Variants in FBXO8 observed in about 807,000 individuals in gnomAD.
The protein encoded by FBXO8 is F-box protein 8.
FBXO8 carries 15 observed loss-of-function variants against 33.4 expected under a neutral mutation model. The ratio of observed to expected loss-of-function variants is 0.45; its 90% CI spans 0.30 to 0.69. The LOEUF (loss-of-function observed/expected upper bound fraction) is 0.69, where lower values mean the gene tolerates loss of function less well. Ranked by LOEUF, FBXO8 falls within the 30% of genes least tolerant of loss-of-function variation. The pLI is 0.08. For synonymous variants in FBXO8, 132 were observed against 131.5 expected, an observed-to-expected ratio of 1.00 and a Z score of -0.02; for missense variants, 274 against 380.3, an observed-to-expected ratio of 0.72 and a Z score of 2.32.
In FBXO8 at chr4:174,270,209, A is replaced by G. The variant is rs1398606516; in HGVS notation, c.-8-7109T>C. ...TATTAAATTAATCTCATGTATAAGA[A>G]TTTCATATTTTGGTTTATTATCATA... On this transcript the variant is annotated intron_variant, in intron 1 of 5. Coordinates refer to ENST00000393674, the MANE Select transcript of FBXO8 (RefSeq NM_012180.3). This position sits in a 1 kb window ranked among gnomAD's most constrained non-coding sequence, Gnocchi z 4.6. 1.3e-5 allele frequency among the ~76,000 whole-genome samples: 2 copies of G among 152,164 alleles called. No individual in the cohort carries two copies. Among genetic ancestry groups the G allele is most frequent in the Non-Finnish European group, 2.9e-5 (2 of 68,030 alleles).
chr4:174,246,058 T>C (rs1043141213), intron 3 of FBXO8, among the ~76,000 whole-genome samples: 5 of 151,932 alleles, frequency 3.3e-5, no homozygotes, highest in Non-Finnish European at 5.9e-5. Flanking sequence ...AAGTGAGGGT[T>C]GAAGATATAG....
chr4:174,242,938 A>T (rs1736073414), intron 3 of FBXO8, among the ~76,000 whole-genome samples: 1 of 151,624 alleles, frequency 6.6e-6, no homozygotes, highest in African/African-American at 2.4e-5. Flanking sequence ...GCATTATTTA[A>T]TAGATTCTTT....
chr4:174,267,836 T>A lies in FBXO8; in HGVS notation c.-8-4736A>T, dbSNP rs535111876. Among the ~76,000 whole-genome samples, 1 of 152,290 alleles carries A rather than the reference T, an allele frequency of 6.6e-6. No homozygotes were observed. Among genetic ancestry groups the A allele is most frequent in the Non-Finnish European group, 1.5e-5 (1 of 68,018 alleles). Reference sequence around the variant, plus strand: ...CAGCAATTGTTAGGTAAAATAAAATTCAGCTGCAATGTGGAATCACTGAAT... The same window carrying A: ...CAGCAATTGTTAGGTAAAATAAAATACAGCTGCAATGTGGAATCACTGAAT... On this transcript the variant is annotated intron_variant, in intron 1 of 5. Coordinates refer to ENST00000393674, the MANE Select transcript of FBXO8 (RefSeq NM_012180.3). The surrounding 1 kb of genome is among the most constrained non-coding windows in gnomAD (Gnocchi z 4.7).
Position 174,278,080 on chromosome 4 carries a change from A to AT in FBXO8, c.-9+5329dup, listed in dbSNP as rs150910257. Among the ~76,000 whole-genome samples the AT allele has an allele frequency of 6.6e-6, 1 of 152,050 alleles. No individual in the cohort carries two copies. Among genetic ancestry groups the AT allele is most frequent in the African/African-American group, 2.4e-5 (1 of 41,432 alleles). On this transcript the variant is annotated intron_variant, in intron 1 of 5. Transcript: ENST00000393674. This position sits in a 1 kb window ranked among gnomAD's most constrained non-coding sequence, Gnocchi z 4.1. ...AGTTTAGAACAGACTGCGTAGAGAAATTTTTTAAAAAAGAAAAAAACCCTG... is the reference window on the plus strand; with the variant it reads ...AGTTTAGAACAGACTGCGTAGAGAAATTTTTTTAAAAAAGAAAAAAACCCTG...
Position 174,251,152 on chromosome 4 carries a change from G to A in FBXO8, c.456+8547C>T, listed in dbSNP as rs1466173683. Among the ~76,000 whole-genome samples, 8 of 152,072 alleles carry A rather than the reference G, an allele frequency of 5.3e-5. No homozygotes were observed. The East Asian group carries it at 7.7e-4, about 15-fold the overall frequency. Reference sequence around the variant, plus strand: ...ATTTTAATATTAAAAATTTAAAAATGTATCCTAGGATGAAGACATTTTCCA... The same window carrying A: ...ATTTTAATATTAAAAATTTAAAAATATATCCTAGGATGAAGACATTTTCCA... On this transcript the variant is annotated intron_variant, in intron 3 of 5. Coordinates refer to ENST00000393674, the MANE Select transcript of FBXO8 (RefSeq NM_012180.3). This position sits in a 1 kb window ranked among gnomAD's most constrained non-coding sequence, Gnocchi z 4.2.
At chr4:174,279,963 A>G (rs949763836) in intron 1 of FBXO8, among the ~76,000 whole-genome samples, 3 of 152,130 alleles carry the variant, frequency 2.0e-5, no homozygotes, top group African/African-American at 7.2e-5. Flanking sequence ...TTCCAAATGC[A>G]CAAGCAACAA....
intron 1 of FBXO8, among the ~76,000 whole-genome samples, chr4:174,268,071 A>G (rs1270654897): frequency 6.6e-6 from 1 of 152,254 alleles, no homozygotes; most frequent in Non-Finnish European, 1.5e-5. Context: ...TCATACAGAA[A>G]TAAAAGAAAC....
rs1000206766 is a variant in FBXO8, at chr4:174,261,304, G to A, written c.329+1460C>T. Among the ~76,000 whole-genome samples, 3 of 151,752 alleles carry A rather than the reference G, an allele frequency of 2.0e-5. No individual in the cohort carries two copies. The highest frequency in any genetic ancestry group is 4.4e-5 in the Non-Finnish European group (3 of 67,782). Reference sequence around the variant, plus strand: ...CTAAGCCAGCCTTTAATTTCAAATAGAAGCAATTTATTATTAAGGAAAAAA... The same window carrying A: ...CTAAGCCAGCCTTTAATTTCAAATAAAAGCAATTTATTATTAAGGAAAAAA... On this transcript the variant is annotated intron_variant, in intron 2 of 5. Transcript: ENST00000393674. The surrounding 1 kb of genome is among the most constrained non-coding windows in gnomAD (Gnocchi z 4.1).
Position 174,263,559 on chromosome 4 carries a change from A to G in FBXO8, c.-8-459T>C, listed in dbSNP as rs1736619772. Among the ~76,000 whole-genome samples, 2 of 152,152 alleles carry G rather than the reference A, an allele frequency of 1.3e-5. No homozygotes were observed. Among genetic ancestry groups the G allele is most frequent in the Non-Finnish European group, 2.9e-5 (2 of 68,030 alleles). On this transcript the variant is annotated intron_variant, in intron 1 of 5. Transcript: ENST00000393674. The surrounding 1 kb of genome is among the most constrained non-coding windows in gnomAD (Gnocchi z 4.2). Reference sequence around the variant, plus strand: ...TAGCTCCTTTTAACCAAACTCCCAGATGCGTAACAGCTGGGAAACAGGCTT... The same window carrying G: ...TAGCTCCTTTTAACCAAACTCCCAGGTGCGTAACAGCTGGGAAACAGGCTT...
rs1157851806 is a variant in FBXO8 at position 174,253,668 on chromosome 4, T to G, written c.456+6031A>C. Reference sequence around the variant, plus strand: ...CTTCTAGCATCCTAGCTGCAGTTGTTGAATTATAAGTCTAAGCCAATCATG... The same window carrying G: ...CTTCTAGCATCCTAGCTGCAGTTGTGGAATTATAAGTCTAAGCCAATCATG... On this transcript the variant is annotated intron_variant, in intron 3 of 5. Coordinates refer to ENST00000393674, the MANE Select transcript of FBXO8 (RefSeq NM_012180.3). The surrounding 1 kb of genome is among the most constrained non-coding windows in gnomAD (Gnocchi z 4.5). 6.6e-6 allele frequency among the ~76,000 whole-genome samples: 1 copy of G among 152,222 alleles called. No homozygotes were observed.
At chr4:174,282,760 A>T (rs1737153244) in intron 1 of FBXO8, among the ~76,000 whole-genome samples, 1 of 152,234 alleles carries the variant, frequency 6.6e-6, no homozygotes, top group Non-Finnish European at 1.5e-5. Flanking sequence ...AACAAGTAGA[A>T]TCAATTATTT....
intron 1 of FBXO8, among the ~76,000 whole-genome samples, chr4:174,273,270 G>A (rs1392140967): frequency 1.4e-5 from 2 of 145,930 alleles, no homozygotes; most frequent in South Asian, 2.2e-4. Flanking sequence ...CTGAGTGACG[G>A]AGCAAAACTC....
At position 174,277,051 on chromosome 4, in the gene FBXO8, T is replaced by G. The variant is rs913697118; in HGVS notation, c.-9+6359A>C. ...GGATGTATTTTTTTTAAAGTAGCAG[T>G]TTTAGTCTAACCAAGTCTGTTACAA... On this transcript the variant is annotated intron_variant, in intron 1 of 5. Coordinates refer to ENST00000393674, the MANE Select transcript of FBXO8 (RefSeq NM_012180.3). This position sits in a 1 kb window ranked among gnomAD's most constrained non-coding sequence, Gnocchi z 4.9. Among the ~76,000 whole-genome samples, 1 of 152,174 alleles carries G rather than the reference T, an allele frequency of 6.6e-6. No homozygotes were observed. Among genetic ancestry groups the G allele is most frequent in the Admixed American group, 6.5e-5 (1 of 15,282 alleles).
rs1447913553 is a variant in FBXO8 at position 174,261,579 on chromosome 4, T to G, written c.329+1185A>C. ...TCCTCTTCTATTCATGAGTAAAAAA[T>G]TAATAACATTTATTTTAAAGACTCC... On this transcript the variant is annotated intron_variant, in intron 2 of 5. Coordinates refer to ENST00000393674, the MANE Select transcript of FBXO8 (RefSeq NM_012180.3). The surrounding 1 kb of genome is among the most constrained non-coding windows in gnomAD (Gnocchi z 4.1). Among the ~76,000 whole-genome samples the G allele has an allele frequency of 6.6e-6, 1 of 151,932 alleles. No homozygotes were observed. Among genetic ancestry groups the G allele is most frequent in the East Asian group, 1.9e-4 (1 of 5,200 alleles).
intron 1 of FBXO8, among the ~76,000 whole-genome samples, chr4:174,271,047 C>T (rs184462480): frequency 5.9e-5 from 9 of 152,176 alleles, no homozygotes; most frequent in Admixed American, 4.6e-4. Context: ...AAATCTCAAC[C>T]TTGGTTGTAT....
At chr4:174,238,868 C>A (rs980280122) in intron 5 of FBXO8, 126 bp downstream of exon 5, 2 of 613,740 alleles carry the variant, frequency 3.3e-6, no homozygotes, top group Non-Finnish European at 5.2e-6. Flanking sequence ...CTGCTACAAA[C>A]AGTAAAACAA....
At chr4:174,271,079 T>TA (rs1736827952) in intron 1 of FBXO8, among the ~76,000 whole-genome samples, 1 of 152,140 alleles carries the variant, frequency 6.6e-6, no homozygotes, top group Non-Finnish European at 1.5e-5. Context: ...GGAGCACATA[T>TA]ATTTATCACC....
rs765140995 is a variant in FBXO8 at position 174,267,888 on chromosome 4, A to C, written c.-8-4788T>G. Among the ~76,000 whole-genome samples, 3 of 152,254 alleles carry C rather than the reference A, an allele frequency of 2.0e-5. No individual in the cohort carries two copies. The highest frequency in any genetic ancestry group is 4.4e-5 in the Non-Finnish European group (3 of 68,044). On this transcript the variant is annotated intron_variant, in intron 1 of 5. Coordinates refer to ENST00000393674, the MANE Select transcript of FBXO8 (RefSeq NM_012180.3). The surrounding 1 kb of genome is among the most constrained non-coding windows in gnomAD (Gnocchi z 4.7). ...TGCAAAAAGTTTCAAATTCAAAAAAAATTCAACACAAAATAAGTTTTTGTA... is the reference window on the plus strand; with the variant it reads ...TGCAAAAAGTTTCAAATTCAAAAAACATTCAACACAAAATAAGTTTTTGTA...
rs1028473161 is a variant in FBXO8 at position 174,252,371 on chromosome 4, G to A, written c.456+7328C>T. Among the ~76,000 whole-genome samples, 1 of 152,058 alleles carries A rather than the reference G, an allele frequency of 6.6e-6. No individual in the cohort carries two copies. The highest frequency in any genetic ancestry group is 2.4e-5 in the African/African-American group (1 of 41,406). On this transcript the variant is annotated intron_variant, in intron 3 of 5. Coordinates refer to ENST00000393674, the MANE Select transcript of FBXO8 (RefSeq NM_012180.3). This position sits in a 1 kb window ranked among gnomAD's most constrained non-coding sequence, Gnocchi z 5.1. ...GCAATAATACATCAAGATGTTTTTG[G>A]TTATAAACAACAGGAGACCTAGTTC...
Sources: allele counts gnomAD v4.1 joint callset (sites outside exome capture counted in the v4.1 genomes callset), GRCh38; gene constraint gnomAD v4.1.1; non-coding constraint Gnocchi (gnomAD v3.1); transcripts MANE v1.5; gene names NCBI Gene and HGNC (gene_info 2026-07-23, HGNC 2026-07-21).